Variants in COL14A1 observed in about 807,000 individuals in gnomAD.
COL14A1 encodes the protein collagen type XIV alpha 1 chain.
COL14A1 carries 136 observed loss-of-function variants against 230.3 expected under a neutral mutation model. That is an observed-to-expected ratio of 0.59 (90% CI 0.51 to 0.68). The LOEUF (loss-of-function observed/expected upper bound fraction) is 0.68. Among genes scored for constraint, COL14A1 ranks in the 30% least tolerant of loss-of-function variants. The pLI is 0.00. For synonymous variants in COL14A1, 792 were observed against 784.1 expected (o/e 1.01, Z -0.17); for missense variants, 1,976 against 2,215.8 (o/e 0.89, Z 2.17).
At chr8:120,193,174 G>C (rs574055969) in intron 5 of COL14A1, among the ~76,000 whole-genome samples, 3 of 152,274 alleles carry the variant, frequency 2.0e-5, no homozygotes, top group African/African-American at 7.2e-5. Flanking sequence ...CATCTTTGTG[G>C]TTTTATCTAC....
At chr8:120,349,879 C>T (rs1012769381) in intron 45 of COL14A1, among the ~76,000 whole-genome samples, 11 of 146,858 alleles carry the variant, frequency 7.5e-5, no homozygotes, top group Non-Finnish European at 1.2e-4. Context: ...TCAGGAAATA[C>T]AGAGAACGCT....
chr8:120,327,647 GC>G (rs1351048628), intron 40 of COL14A1, among the ~76,000 whole-genome samples: 6 of 152,144 alleles, frequency 3.9e-5, no homozygotes, highest in Non-Finnish European at 8.8e-5. Context: ...AATGACACCA[GC>G]ATTCCCCTCA....
chr8:120,266,621 G>T (rs1664589202), intron 24 of COL14A1, among the ~76,000 whole-genome samples: 1 of 152,006 alleles, frequency 6.6e-6, no homozygotes, highest in African/African-American at 2.4e-5. Flanking sequence ...GTGGCAAAAT[G>T]GCATTTCAAG....
At chr8:120,289,788 G>T (rs750895909) in intron 34 of COL14A1, 22 bp downstream of exon 34, 1 of 1,603,438 alleles carries the variant, frequency 6.2e-7, no homozygotes, top group South Asian at 1.1e-5. Flanking sequence ...AACCCGTGAA[G>T]CTGTGTTATT....
At chr8:120,355,404 C>CTTTTTTTTT (rs144319877) in intron 45 of COL14A1, among the ~76,000 whole-genome samples, 1 of 144,424 alleles carries the variant, frequency 6.9e-6, no homozygotes, top group African/African-American at 2.5e-5. Flanking sequence ...TAATTTCAGT[C>CTTTTTTTTT]TTTTTTTTTT....
At chr8:120,286,779 G>T (rs1462391902) in intron 33 of COL14A1, among the ~76,000 whole-genome samples, 1 of 152,144 alleles carries the variant, frequency 6.6e-6, no homozygotes, top group Non-Finnish European at 1.5e-5. Flanking sequence ...AAAGTGCTGG[G>T]ATTACAGGCG....
intron 1 of COL14A1, among the ~76,000 whole-genome samples, chr8:120,129,923 T>C (rs1814473371): frequency 6.6e-6 from 1 of 152,238 alleles, no homozygotes; most frequent in Admixed American, 6.5e-5. Context: ...CCCATCTAGA[T>C]GTCTGATAGT....
chr8:120,184,119 AC>A (rs1170072086), intron 5 of COL14A1, among the ~76,000 whole-genome samples: 1 of 152,020 alleles, frequency 6.6e-6, no homozygotes, highest in Non-Finnish European at 1.5e-5. Flanking sequence ...GAAAGCTATC[AC>A]TAAGTGGTAG....
chr8:120,174,295 A>G (rs991989533), intron 5 of COL14A1, among the ~76,000 whole-genome samples: 31 of 151,760 alleles, frequency 2.0e-4, no homozygotes, highest in African/African-American at 5.6e-4. Context: ...TGCTTAAACA[A>G]TGGTGTTTAA....
intron 14 of COL14A1, among the ~76,000 whole-genome samples, chr8:120,219,763 T>C (rs1273834343): frequency 6.6e-6 from 1 of 152,202 alleles, no homozygotes; most frequent in Admixed American, 6.5e-5. Flanking sequence ...CAGACTAACA[T>C]GTTTGTTGAG....
At chr8:120,172,165 G>GTTTC (rs1816114072) in intron 5 of COL14A1, among the ~76,000 whole-genome samples, 1 of 151,888 alleles carries the variant, frequency 6.6e-6, no homozygotes, top group African/African-American at 2.4e-5. Flanking sequence ...TTGTTTGTTT[G>GTTTC]TTTGAGATGG....
At chr8:120,215,038 C>G (rs1408505836) in intron 13 of COL14A1, among the ~76,000 whole-genome samples, 1 of 152,152 alleles carries the variant, frequency 6.6e-6, no homozygotes, top group Non-Finnish European at 1.5e-5. Context: ...GCAGATGGAA[C>G]CAGTGAAATA....
chr8:120,306,174 G>T (rs994635818), intron 36 of COL14A1, among the ~76,000 whole-genome samples: 28 of 152,090 alleles, frequency 1.8e-4, no homozygotes, highest in Non-Finnish European at 3.8e-4. Context: ...TAAGAATAGA[G>T]TTCTTAATTA....
chr8:120,231,637 G>T lies in COL14A1; in HGVS notation c.2349+19G>T. 1 of 1,608,700 alleles carries T rather than the reference G, an allele frequency of 6.2e-7. No individual in the cohort carries two copies. The highest frequency in any genetic ancestry group is 1.1e-5 in the South Asian group (1 of 89,868). ...AGGAACGGTCTGTATAAATTCAACT[G>T]ACTAGAAACTCTGCAGATGTTACTA... On this transcript the variant is annotated intron_variant, in intron 19 of 47. Coordinates refer to ENST00000297848, the MANE Select transcript of COL14A1 (RefSeq NM_021110.4).
At chr8:120,135,561 C>T (rs1272588548) in intron 1 of COL14A1, among the ~76,000 whole-genome samples, 3 of 152,102 alleles carry the variant, frequency 2.0e-5, no homozygotes, top group African/African-American at 7.2e-5. Flanking sequence ...CTGTGCCCAA[C>T]CCATTAATAC....
intron 36 of COL14A1, among the ~76,000 whole-genome samples, chr8:120,305,696 C>G (rs1252368122): frequency 6.6e-6 from 1 of 151,924 alleles, no homozygotes; most frequent in Non-Finnish European, 1.5e-5. Context: ...TTCTTAATTT[C>G]TTAATTTTTG....
At chr8:120,224,584 A>C (rs1818036174) in intron 14 of COL14A1, among the ~76,000 whole-genome samples, 1 of 152,174 alleles carries the variant, frequency 6.6e-6, no homozygotes. Context: ...TGCCCCAAAG[A>C]AGTTGGAAAA....
At chr8:120,335,832 A>C (rs1377862231) in intron 42 of COL14A1, among the ~76,000 whole-genome samples, 1 of 152,208 alleles carries the variant, frequency 6.6e-6, no homozygotes, top group Non-Finnish European at 1.5e-5. Context: ...AGAGTGATAA[A>C]GCACACGAAC....
intron 45 of COL14A1, among the ~76,000 whole-genome samples, chr8:120,358,521 A>G (rs896759937): frequency 6.6e-6 from 1 of 152,088 alleles, no homozygotes; most frequent in East Asian, 1.9e-4. Flanking sequence ...TTGTGCCTCA[A>G]TCCTGAGACA....
Sources: gnomAD v4.1 joint callset for allele counts (sites outside exome capture counted in the v4.1 genomes callset) on GRCh38, gnomAD v4.1.1 for gene constraint, MANE v1.5 for transcripts, NCBI Gene and HGNC (gene_info 2026-07-23, HGNC 2026-07-21) for gene names.